THSD7A: variants seen among roughly 807,000 people sequenced by gnomAD.
THSD7A encodes the protein thrombospondin type-1 domain-containing protein 7A.
THSD7A carries 96 observed loss-of-function variants against 231.3 expected under a neutral mutation model. That is an observed-to-expected ratio of 0.41 (90% CI 0.35 to 0.49). The LOEUF (loss-of-function observed/expected upper bound fraction) is 0.49. Ranked by LOEUF, THSD7A falls within the 20% of genes least tolerant of loss-of-function variation. The pLI is 0.05. For synonymous variants in THSD7A, 940 were observed against 743.3 expected (o/e 1.26, Z -4.30); for missense variants, 2,290 against 2,070.2 (o/e 1.11, Z -2.06).
intron 6 of THSD7A, among the ~76,000 whole-genome samples, chr7:11,509,152 T>A (rs1224989272): frequency 1.3e-5 from 2 of 152,354 alleles, no homozygotes; most frequent in East Asian, 3.9e-4. Context: ...CTTTAAATAT[T>A]AACTTTTAAA....
At chr7:11,389,506 A>T (rs1247438461) in intron 23 of THSD7A, among the ~76,000 whole-genome samples, 19 of 125,614 alleles carry the variant, frequency 1.5e-4, no homozygotes, top group African/African-American at 5.8e-4. Context: ...TTTTGAGCCT[A>T]TGTGTGTCTT....
At chr7:11,545,612 C>T (rs1381204813) in intron 4 of THSD7A, among the ~76,000 whole-genome samples, 3 of 152,130 alleles carry the variant, frequency 2.0e-5, no homozygotes, top group Non-Finnish European at 4.4e-5. Flanking sequence ...CATCAAGATC[C>T]ATTCCTGGCC....
At chr7:11,476,933 T>C (rs1786215188) in intron 7 of THSD7A, among the ~76,000 whole-genome samples, 1 of 152,192 alleles carries the variant, frequency 6.6e-6, no homozygotes, top group East Asian at 1.9e-4. Context: ...TATAAATACT[T>C]TTCTTTTCCT....
intron 1 of THSD7A, among the ~76,000 whole-genome samples, chr7:11,667,271 G>A (rs1783175502): frequency 6.6e-6 from 1 of 151,946 alleles, no homozygotes. Flanking sequence ...TATCGTCATA[G>A]CTTAGCTCCC....
At chr7:11,671,268 C>T (rs1241873188) in intron 1 of THSD7A, among the ~76,000 whole-genome samples, 1 of 152,192 alleles carries the variant, frequency 6.6e-6, no homozygotes, top group Non-Finnish European at 1.5e-5. Flanking sequence ...GGTTGTGCCT[C>T]TGGCTCTGTG....
chr7:11,538,376 GGA>G (rs1187807579), intron 6 of THSD7A, among the ~76,000 whole-genome samples: 2 of 151,866 alleles, frequency 1.3e-5, no homozygotes, highest in African/African-American at 4.8e-5. Context: ...AAGGAAATAT[GGA>G]AACAATATTT....
chr7:11,565,732 T>C (rs938054071), intron 4 of THSD7A, among the ~76,000 whole-genome samples: 5 of 152,156 alleles, frequency 3.3e-5, no homozygotes, highest in Admixed American at 6.5e-5. Flanking sequence ...TAGACCATGA[T>C]AAGTCTATTT....
At chr7:11,806,203 G>A (rs1325147491) in intron 1 of THSD7A, among the ~76,000 whole-genome samples, 1 of 152,064 alleles carries the variant, frequency 6.6e-6, no homozygotes, top group African/African-American at 2.4e-5. Flanking sequence ...GCACCATGCA[G>A]GTCAGGAACT....
At chr7:11,619,946 A>G (rs933722345) in intron 2 of THSD7A, among the ~76,000 whole-genome samples, 15 of 152,264 alleles carry the variant, frequency 9.9e-5, no homozygotes, top group Admixed American at 3.9e-4. Flanking sequence ...GGTGCTGTTC[A>G]TCTTTAACAT....
chr7:11,434,887 A>T (rs1239784257), intron 13 of THSD7A, among the ~76,000 whole-genome samples: 1 of 152,046 alleles, frequency 6.6e-6, no homozygotes, highest in Non-Finnish European at 1.5e-5. Flanking sequence ...CCAAACTCCT[A>T]TATTCCAATG....
At chr7:11,523,288 T>C (rs1005501052) in intron 6 of THSD7A, among the ~76,000 whole-genome samples, 4 of 152,078 alleles carry the variant, frequency 2.6e-5, no homozygotes, top group Non-Finnish European at 4.4e-5. Context: ...TTTTGCTTTT[T>C]GAGAAATGAT....
At chr7:11,393,636 G>A (rs1783070195) in intron 23 of THSD7A, among the ~76,000 whole-genome samples, 1 of 152,164 alleles carries the variant, frequency 6.6e-6, no homozygotes, top group South Asian at 2.1e-4. Context: ...TAGATGAATT[G>A]CTAACAAGAA....
At chr7:11,612,114 C>T (rs570320609) in intron 2 of THSD7A, among the ~76,000 whole-genome samples, 1 of 152,112 alleles carries the variant, frequency 6.6e-6, no homozygotes, top group Non-Finnish European at 1.5e-5. Flanking sequence ...TCTGGGATTC[C>T]GTGTCCCTCC....
chr7:11,782,805 T>C (rs1385854569), intron 1 of THSD7A, among the ~76,000 whole-genome samples: 2 of 152,190 alleles, frequency 1.3e-5, no homozygotes, highest in East Asian at 1.9e-4. Flanking sequence ...ATTAGGGACT[T>C]TGCAATTTTT....
chr7:11,790,138 T>G (rs1783906590), intron 1 of THSD7A, among the ~76,000 whole-genome samples: 1 of 152,026 alleles, frequency 6.6e-6, no homozygotes, highest in Non-Finnish European at 1.5e-5. Context: ...AAATCAGAGT[T>G]AAAAGCACAC....
At chr7:11,728,253 A>G (rs1781611225) in intron 1 of THSD7A, among the ~76,000 whole-genome samples, 1 of 151,984 alleles carries the variant, frequency 6.6e-6, no homozygotes, top group East Asian at 1.9e-4. Flanking sequence ...AATCTCACTC[A>G]GTTCATTTGG....
intron 1 of THSD7A, among the ~76,000 whole-genome samples, chr7:11,824,734 C>T (rs1784975742): frequency 1.3e-5 from 2 of 152,216 alleles, no homozygotes; most frequent in Middle Eastern, 3.4e-3. Context: ...AGACAAGACA[C>T]AAACTGCAGT....
chr7:11,389,845 A>C (rs1782912766), intron 23 of THSD7A, among the ~76,000 whole-genome samples: 1 of 152,150 alleles, frequency 6.6e-6, no homozygotes, highest in Non-Finnish European at 1.5e-5. Flanking sequence ...TTGTCTGTAA[A>C]GAATTTTATT....
At chr7:11,523,642 G>A (rs1327589574) in intron 6 of THSD7A, among the ~76,000 whole-genome samples, 1 of 151,988 alleles carries the variant, frequency 6.6e-6, no homozygotes. Context: ...AAATAGTAAA[G>A]TAAATGATCA....
Sources: gnomAD v4.1 joint callset for allele counts (sites outside exome capture counted in the v4.1 genomes callset) on GRCh38, gnomAD v4.1.1 for gene constraint, MANE v1.5 for transcripts, NCBI Gene and HGNC (gene_info 2026-07-23, HGNC 2026-07-21) for gene names.